Variants in NOMO1 observed in about 807,000 individuals in gnomAD.
The protein encoded by NOMO1 is nodal modulator 3.
In NOMO1, 40 loss-of-function variants were observed where a neutral mutation model predicts 133.8. That is an observed-to-expected ratio of 0.30 (90% CI 0.23 to 0.39). The LOEUF is 0.39. NOMO1 is among the 10% of genes least tolerant of loss of function. NOMO1 has a pLI of 1.00. For missense variants in NOMO1, 462 were observed against 1,419.9 expected, an observed-to-expected ratio of 0.33 and a Z score of 10.84; for synonymous variants, 236 against 570.5, an observed-to-expected ratio of 0.41 and a Z score of 8.36.
intron 27 of NOMO1, among the ~76,000 whole-genome samples, chr16:14,885,324 G>A (rs1260126178): frequency 6.6e-6 from 1 of 151,676 alleles, no homozygotes; most frequent in Non-Finnish European, 1.5e-5. Flanking sequence ...TGCTGCCTGG[G>A]CCAGTCACTT....
intron 15 of NOMO1, among the ~76,000 whole-genome samples, chr16:14,867,006 T>A (rs1382034884): frequency 6.8e-6 from 1 of 146,654 alleles, no homozygotes; most frequent in African/African-American, 2.6e-5. Flanking sequence ...TAAATTCGTT[T>A]ACTGCTTCTC....
At chr16:14,846,407 C>T (rs1963682425) in intron 4 of NOMO1, among the ~76,000 whole-genome samples, 170 bp from the exon 5 acceptor site, 1 of 143,992 alleles carries the variant, frequency 6.9e-6, no homozygotes, top group African/African-American at 2.7e-5. Context: ...ACTGTTCCCT[C>T]TCCTACCTCA....
intron 29 of NOMO1, 59 bp from the exon 30 acceptor site, chr16:14,894,939 T>C (rs1964462026): frequency 6.2e-7 from 1 of 1,611,874 alleles, no homozygotes; most frequent in Admixed American, 1.7e-5. Flanking sequence ...TGTGGCATTG[T>C]GGATGATGGA....
intron 23 of NOMO1, 138 bp downstream of exon 23, chr16:14,878,972 C>G: frequency 3.2e-6 from 3 of 944,800 alleles, no homozygotes; most frequent in Non-Finnish European, 5.1e-6. Context: ...TGGGGGCCCA[C>G]GGTCATTAGA....
chr16:14,839,706 A>G (rs936766039), intron 2 of NOMO1, among the ~76,000 whole-genome samples: 3 of 151,160 alleles, frequency 2.0e-5, no homozygotes, highest in African/African-American at 7.3e-5. Flanking sequence ...TTCCTCTTGC[A>G]TGCTTTCAAC....
chr16:14,853,649 T>C, intron 8 of NOMO1, 45 bp downstream of exon 8: 1 of 1,611,512 alleles, frequency 6.2e-7, no homozygotes, highest in Non-Finnish European at 8.5e-7. Context: ...GAGACTCTCA[T>C]GACACAGTAA....
intron 9 of NOMO1, among the ~76,000 whole-genome samples, chr16:14,856,547 G>T (rs1963839233): frequency 6.6e-6 from 1 of 151,840 alleles, no homozygotes; most frequent in African/African-American, 2.4e-5. Flanking sequence ...GAGTAGCTGG[G>T]ATTACAGGCG....
intron 20 of NOMO1, among the ~76,000 whole-genome samples, chr16:14,875,748 C>T (rs1964150904): frequency 6.6e-6 from 1 of 151,690 alleles, no homozygotes; most frequent in African/African-American, 2.4e-5. Context: ...CAGGTCGACA[C>T]CAGAAGGTAG....
At chr16:14,857,473 T>C (rs1045851236) in intron 10 of NOMO1, 32 bp from the exon 11 acceptor site, 1 of 1,607,832 alleles carries the variant, frequency 6.2e-7, no homozygotes, top group Admixed American at 1.7e-5. Context: ...TGTTTTTGGC[T>C]TATCTTCTGT....
In NOMO1 at chr16:14,850,740, A is replaced by C. The variant is rs187078476; in HGVS notation, c.583-1690A>C. ...CACCTAGATTCTCTTCTTACTGTTT[A>C]TGACTTTTGGTTTTGGGGGTTTTTC... On this transcript the variant is annotated intron_variant, in intron 6 of 30. Coordinates refer to ENST00000287667, the MANE Select transcript of NOMO1 (RefSeq NM_014287.4). Among the ~76,000 whole-genome samples the C allele has an allele frequency of 2.4e-3, 358 of 151,958 alleles. 6 individuals carry two copies. Among genetic ancestry groups the C allele is most frequent in the African/African-American group, 8.4e-3 (346 of 41,288 alleles).
In NOMO1 at chr16:14,879,340, C is replaced by T. The variant is rs1431430017; in HGVS notation, c.2757+506C>T. 1.2e-4 allele frequency among the ~76,000 whole-genome samples: 19 copies of T among 152,070 alleles called. No individual in the cohort carries two copies. The East Asian group carries it at 1.4e-3, about 11-fold the overall frequency. On this transcript the variant is annotated intron_variant, in intron 23 of 30. Transcript: ENST00000287667. ...TGGCTGTGGTGGGGCTACTGGAGAC[C>T]GGGCAGCGGGGGCATCTGAAGACAC...
intron 14 of NOMO1, among the ~76,000 whole-genome samples, chr16:14,866,026 C>T (rs1418826194): frequency 7.0e-6 from 1 of 142,910 alleles, no homozygotes; most frequent in East Asian, 2.1e-4. Context: ...CATTAGATTT[C>T]TTTCTTGATG....
chr16:14,871,566 G>C, intron 16 of NOMO1, 55 bp from the exon 17 acceptor site: 1 of 1,610,916 alleles, frequency 6.2e-7, no homozygotes, highest in Non-Finnish European at 8.5e-7. Context: ...TGTCGGAATT[G>C]CTCGGTGTAA....
intron 8 of NOMO1, 30 bp downstream of exon 8, chr16:14,853,634 T>C (rs141045779): frequency 6.2e-7 from 1 of 1,611,614 alleles, no homozygotes; most frequent in African/African-American, 1.3e-5. Flanking sequence ...GTTCTGTTTA[T>C]GTCTGAGACT....
In NOMO1 at chr16:14,866,536, T is replaced by C. The variant is rs748795277; in HGVS notation, c.1670-19T>C. ...GTGCTCCACGCCCATGTATCCGTTT[T>C]TGGTGTTTGCTTTTGCAGTAAGCAT... On this transcript the variant is annotated intron_variant, in intron 14 of 30. Coordinates refer to ENST00000287667, the MANE Select transcript of NOMO1 (RefSeq NM_014287.4). 6.8e-6 allele frequency: 11 copies of C among 1,610,130 alleles called. 1 individual carries two copies. The East Asian group carries it at 2.5e-4, about 36-fold the overall frequency.
At chr16:14,880,718 A>C (rs1337363248) in intron 24 of NOMO1, among the ~76,000 whole-genome samples, 2 of 152,218 alleles carry the variant, frequency 1.3e-5, no homozygotes, top group African/African-American at 2.4e-5. Context: ...ACCTGAATTA[A>C]ATTATTAAAA....
At chr16:14,867,633 G>A (rs1315132040) in intron 15 of NOMO1, among the ~76,000 whole-genome samples, 3 of 148,866 alleles carry the variant, frequency 2.0e-5, no homozygotes, top group Non-Finnish European at 4.5e-5. Context: ...AGATCCCTTC[G>A]TGAATTTTCT....
rs1964133268 is a variant in NOMO1, at chr16:14,875,009, A to G, written c.2055-27A>G. Reference sequence around the variant, plus strand: ...CCACTGACCACAAGGATACGCAACTATGTCCTAGGGGCCGTCTTTCTTCTA... The same window carrying G: ...CCACTGACCACAAGGATACGCAACTGTGTCCTAGGGGCCGTCTTTCTTCTA... On this transcript the variant is annotated intron_variant, in intron 18 of 30. Coordinates refer to ENST00000287667, the MANE Select transcript of NOMO1 (RefSeq NM_014287.4). The G allele has an allele frequency of 5.0e-6, 8 of 1,613,642 alleles. No individual in the cohort carries two copies. In the Middle Eastern group the frequency reaches 4.9e-4, roughly 100 times the overall value.
At chr16:14,836,442 C>T (rs1243290102) in intron 1 of NOMO1, among the ~76,000 whole-genome samples, 3 of 152,078 alleles carry the variant, frequency 2.0e-5, no homozygotes, top group Non-Finnish European at 4.4e-5. Flanking sequence ...TCGACTGTTT[C>T]ATTGCAGCTC....
Sources: gnomAD v4.1 joint callset for allele counts (sites outside exome capture counted in the v4.1 genomes callset) on GRCh38, gnomAD v4.1.1 for gene constraint, MANE v1.5 for transcripts, NCBI Gene and HGNC (gene_info 2026-07-23, HGNC 2026-07-21) for gene names.